Variants in DYNC2H1 observed in about 807,000 individuals in gnomAD.
DYNC2H1 encodes cytoplasmic dynein 2 heavy chain 1.
In DYNC2H1, 410 loss-of-function variants were observed where a neutral mutation model predicts 570.0. The observed-to-expected ratio is 0.72, with a 90% CI of 0.66 to 0.78. The LOEUF is 0.78. DYNC2H1 is among the 30% of genes least tolerant of loss of function. DYNC2H1 has a pLI of 0.00. For missense variants in DYNC2H1, 4,865 were observed against 5,046.4 expected, an observed-to-expected ratio of 0.96 and a Z score of 1.09; for synonymous variants, 1,688 against 1,677.6, an observed-to-expected ratio of 1.01 and a Z score of -0.15.
chr11:103,147,289 A>T (rs1226865416), intron 18 of DYNC2H1, among the ~76,000 whole-genome samples: 1 of 152,120 alleles, frequency 6.6e-6, no homozygotes, highest in African/African-American at 2.4e-5. Context: ...TTTCAATTTG[A>T]TAAGTGTAAA....
At chr11:103,388,294 G>C (rs913904813) in intron 83 of DYNC2H1, among the ~76,000 whole-genome samples, 1 of 151,932 alleles carries the variant, frequency 6.6e-6, no homozygotes, top group South Asian at 2.1e-4. Flanking sequence ...TCATGATTTG[G>C]CTCTCTGTTT....
chr11:103,236,381 T>A (rs1257973428), intron 62 of DYNC2H1, 49 bp from the exon 63 acceptor site: 47 of 1,100,570 alleles, frequency 4.3e-5, no homozygotes, highest in Non-Finnish European at 6.4e-5. Flanking sequence ...CTTCCCTTCA[T>A]CAAGTACAAG....
rs12419850 is a variant in DYNC2H1, at chr11:103,472,211, A to T, written c.12765+3506A>T. Among the ~76,000 whole-genome samples, 28 of 151,904 alleles carry T rather than the reference A, an allele frequency of 1.8e-4. No homozygotes were observed. Among genetic ancestry groups the T allele is most frequent in the African/African-American group, 6.8e-4 (28 of 41,334 alleles). ...ATGCCAGAGTTTAGACCACCTTATGATCAGTAGGAAGCCATCAAGAATTTA... is the reference window on the plus strand; with the variant it reads ...ATGCCAGAGTTTAGACCACCTTATGTTCAGTAGGAAGCCATCAAGAATTTA... On this transcript the variant is annotated intron_variant, in intron 88 of 88. Coordinates refer to ENST00000375735, the MANE Select transcript of DYNC2H1 (RefSeq NM_001377.3). This position sits in a 1 kb window ranked among gnomAD's most constrained non-coding sequence, Gnocchi z 4.1.
intron 70 of DYNC2H1, among the ~76,000 whole-genome samples, chr11:103,265,260 A>G (rs1218858803): frequency 1.3e-5 from 2 of 152,208 alleles, no homozygotes; most frequent in Non-Finnish European, 2.9e-5. Flanking sequence ...TACCTAATGC[A>G]GGTAGGGCTT....
chr11:103,366,849 G>A (rs1011011449), intron 83 of DYNC2H1, among the ~76,000 whole-genome samples: 1 of 152,094 alleles, frequency 6.6e-6, no homozygotes, highest in African/African-American at 2.4e-5. Context: ...AAATTGCTCT[G>A]TAATCTCTCT....
chr11:103,235,660 TC>T lies in DYNC2H1; in HGVS notation c.9568-11del. 6.3e-7 allele frequency: 1 copy of T among 1,598,594 alleles called. No individual in the cohort carries two copies. The highest frequency in any genetic ancestry group is 8.5e-7 in the Non-Finnish European group (1 of 1,171,994). On this transcript the variant is annotated splice_polypyrimidine_tract_variant and intron_variant, in intron 61 of 88. Transcript: ENST00000375735. ...CATATATCTCCCTCTTTCTTCTCTC[TC>T]TTTTTTCCAGGTTGTAGAGATAACA... is the stretch of plus-strand genomic sequence containing the variant.
chr11:103,443,305 C>G (rs1328033907), intron 85 of DYNC2H1, among the ~76,000 whole-genome samples: 2 of 151,908 alleles, frequency 1.3e-5, no homozygotes, highest in African/African-American at 4.8e-5. Context: ...ATCAGCTTTA[C>G]TTTGTTGTTA....
intron 73 of DYNC2H1, 125 bp downstream of exon 73, chr11:103,283,210 T>G (rs1866214437): frequency 1.6e-6 from 1 of 626,152 alleles, no homozygotes; most frequent in African/African-American, 1.9e-5. Context: ...GTTCCCCCAG[T>G]AAAAAGTTAC....
At chr11:103,217,812 A>G (rs1224514780) in intron 55 of DYNC2H1, among the ~76,000 whole-genome samples, 2 of 152,216 alleles carry the variant, frequency 1.3e-5, no homozygotes, top group Non-Finnish European at 2.9e-5. Context: ...TATTTACAAA[A>G]CATATATTTG....
Position 103,289,805 on chromosome 11 carries a change from A to G in DYNC2H1, c.11095+2200A>G, listed in dbSNP as rs1266904111. On this transcript the variant is annotated intron_variant, in intron 75 of 88. Coordinates refer to ENST00000375735, the MANE Select transcript of DYNC2H1 (RefSeq NM_001377.3). This position sits in a 1 kb window ranked among gnomAD's most constrained non-coding sequence, Gnocchi z 4.2. Reference sequence around the variant, plus strand: ...ATTCTCTTTGTTGGATATAACCCATATATAATGTTGAATTAAATTTGACAT... The same window carrying G: ...ATTCTCTTTGTTGGATATAACCCATGTATAATGTTGAATTAAATTTGACAT... Among the ~76,000 whole-genome samples the G allele has an allele frequency of 6.6e-6, 1 of 152,150 alleles. No individual in the cohort carries two copies. Among genetic ancestry groups the G allele is most frequent in the Non-Finnish European group, 1.5e-5 (1 of 68,018 alleles).
At chr11:103,399,606 T>A (rs1449985550) in intron 83 of DYNC2H1, 57 bp from the exon 84 acceptor site, 1 of 1,233,718 alleles carries the variant, frequency 8.1e-7, no homozygotes, top group African/African-American at 1.5e-5. Flanking sequence ...TCAAAGCGTT[T>A]TATATATCAG....
At position 103,206,928 on chromosome 11, in the gene DYNC2H1, G is replaced by GT. The variant is rs1014145063; in HGVS notation, c.8454+1973dup. Reference sequence around the variant, plus strand: ...AGGAAGGAGGGGTAAAAATAGTTTTGTTTTTTTTTCCAAGACAGAGTCTTG... The same window carrying GT: ...AGGAAGGAGGGGTAAAAATAGTTTTGTTTTTTTTTTCCAAGACAGAGTCTTG... On this transcript the variant is annotated intron_variant, in intron 52 of 88. Transcript: ENST00000375735. Among the ~76,000 whole-genome samples, 39 of 150,490 alleles carry GT rather than the reference G, an allele frequency of 2.6e-4. No homozygotes were observed. In the Middle Eastern group the frequency reaches 0.017, roughly 66 times the overall value.
intron 44 of DYNC2H1, 146 bp downstream of exon 44, chr11:103,188,794 C>A: frequency 7.0e-6 from 4 of 574,094 alleles, no homozygotes; most frequent in Non-Finnish European, 2.6e-6. Flanking sequence ...CTACCCTTCT[C>A]AAAATATAGG....
intron 84 of DYNC2H1, 68 bp from the exon 85 acceptor site, chr11:103,435,875 A>T: frequency 6.7e-7 from 1 of 1,501,190 alleles, no homozygotes; most frequent in Non-Finnish European, 9.1e-7. Flanking sequence ...CCATCACACT[A>T]GTGTTAGTAG....
Position 103,189,792 on chromosome 11 carries a change from A to G in DYNC2H1, c.7413A>G (p.Gly2471=). 1.2e-6 allele frequency: 2 copies of G among 1,610,860 alleles called. No homozygotes were observed. Among genetic ancestry groups the G allele is most frequent in the Non-Finnish European group, 1.7e-6 (2 of 1,178,986 alleles). ...CATCAAAAATTTATCTTTTAGCAGGATCTATGGTACAAGTGTATGAACAGG... is the reference window on the plus strand; with the variant it reads ...CATCAAAAATTTATCTTTTAGCAGGGTCTATGGTACAAGTGTATGAACAGG... ...GSSSKIYLLA[G]SMVQVYEQVR... is the part of the protein sequence containing the mutation. The change falls in exon 45 of 89, where the codon GGA becomes GGG. Residue 2471 remains glycine (G), a synonymous_variant. Coordinates refer to ENST00000375735, the MANE Select transcript of DYNC2H1 (RefSeq NM_001377.3). The surrounding 1 kb of genome is among the most constrained non-coding windows in gnomAD (Gnocchi z 4.3).
At position 103,417,960 on chromosome 11, in the gene DYNC2H1, C is replaced by T. The variant is rs373652503; in HGVS notation, c.12367-17983C>T. Among the ~76,000 whole-genome samples, 25 of 146,714 alleles carry T rather than the reference C, an allele frequency of 1.7e-4. No homozygotes were observed. In the East Asian group the frequency reaches 4.6e-3, roughly 27 times the overall value. On this transcript the variant is annotated intron_variant, in intron 84 of 88. Coordinates refer to ENST00000375735, the MANE Select transcript of DYNC2H1 (RefSeq NM_001377.3). The stretch of plus-strand genomic sequence containing the variant: ...TAACATTATCTCAATACAGAAAAAT[C>T]ATTAGAAAAATTTAACAGCTAGTCG...
In DYNC2H1 at chr11:103,439,617, C is replaced by A. The variant is rs2135762402; in HGVS notation, c.12456+3585C>A. 6.6e-6 allele frequency among the ~76,000 whole-genome samples: 1 copy of A among 152,128 alleles called. No homozygotes were observed. Among genetic ancestry groups the A allele is most frequent in the Admixed American group, 6.6e-5 (1 of 15,266 alleles). On this transcript the variant is annotated intron_variant, in intron 85 of 88. Coordinates refer to ENST00000375735, the MANE Select transcript of DYNC2H1 (RefSeq NM_001377.3). The surrounding 1 kb of genome is among the most constrained non-coding windows in gnomAD (Gnocchi z 4.1). ...AAAAGGTTTAAGACTCCTCTGAATA[C>A]TCTTAATTTAGAGCTATAGATCCCC...
intron 40 of DYNC2H1, among the ~76,000 whole-genome samples, chr11:103,183,410 A>G (rs1320764190): frequency 2.0e-5 from 3 of 151,956 alleles, no homozygotes; most frequent in Non-Finnish European, 4.4e-5. Flanking sequence ...TAAGATTGTT[A>G]AACAATAGAG....
intron 85 of DYNC2H1, among the ~76,000 whole-genome samples, chr11:103,451,350 T>TTTTTTTTTTG (rs1944596116): frequency 7.8e-6 from 1 of 127,556 alleles, no homozygotes; most frequent in Non-Finnish European, 1.7e-5. Flanking sequence ...TTTTTTTTTT[T>TTTTTTTTTTG]TGAGATGGAG....
Sources: gnomAD v4.1 joint callset for allele counts (sites outside exome capture counted in the v4.1 genomes callset) on GRCh38, gnomAD v4.1.1 for gene constraint, Gnocchi (gnomAD v3.1) non-coding constraint, MANE v1.5 for transcripts, NCBI Gene and HGNC (gene_info 2026-07-23, HGNC 2026-07-21) for gene names.